BRCC3: variants seen among roughly 807,000 people sequenced by gnomAD.
The protein encoded by BRCC3 is BRCA1/BRCA2-containing complex subunit 3.
BRCC3 carries 15 observed loss-of-function variants against 28.0 expected under a neutral mutation model. The ratio of observed to expected loss-of-function variants is 0.54; its 90% confidence interval spans 0.36 to 0.82. BRCC3 has a LOEUF of 0.82. Ranked by LOEUF, BRCC3 falls within the 40% of genes least tolerant of loss-of-function variation. BRCC3 has a pLI of 0.01. For missense variants in BRCC3, 109 were observed against 225.9 expected (o/e 0.48, Z 3.32); for synonymous variants, 66 against 80.3 (o/e 0.82, Z 0.95).
intron 5 of BRCC3, among the ~76,000 whole-genome samples, chrX:155,088,086 G>A (rs2074146795): frequency 8.9e-6 from 1 of 112,003 alleles, no homozygotes; most frequent in Non-Finnish European, 1.9e-5. Context: ...TGTTCTTTTA[G>A]CAATATTTTC....
chrX:155,120,408 G>A (rs1311120455), intron 10 of BRCC3, among the ~76,000 whole-genome samples: 1 of 111,964 alleles, frequency 8.9e-6, no homozygotes, highest in African/African-American at 3.2e-5. Flanking sequence ...TGGTACAATG[G>A]CAAGGAATAT....
In BRCC3 at chrX:155,106,449, C is replaced by T. The variant is rs782649004; in HGVS notation, c.549-9608C>T. On this transcript the variant is annotated intron_variant, in intron 7 of 10. Transcript: ENST00000330045. ...AAATACTTTTACTTATTTCCCAATT[C>T]CTAAACCTCTAATTGATTCCTTAAA... is the stretch of plus-strand genomic sequence containing the variant. Among the ~76,000 whole-genome samples, 3 of 111,981 alleles carry T rather than the reference C, an allele frequency of 2.7e-5. No individual in the cohort carries two copies. In the Admixed American group the frequency reaches 2.8e-4, roughly 11 times the overall value.
chrX:155,101,555 T>C (rs1438729122), intron 7 of BRCC3, among the ~76,000 whole-genome samples: 1 of 112,433 alleles, frequency 8.9e-6, no homozygotes, highest in Non-Finnish European at 1.9e-5. Flanking sequence ...TGTTCATTTA[T>C]TTATTTATAT....
chrX:155,120,726 T>C (rs2074384007), intron 10 of BRCC3, among the ~76,000 whole-genome samples: 1 of 111,568 alleles, frequency 9.0e-6, no homozygotes, highest in Admixed American at 9.5e-5. Context: ...ACATGAGTTC[T>C]AGCATATTTG....
chrX:155,108,087 C>T (rs1372704831), intron 7 of BRCC3, among the ~76,000 whole-genome samples: 1 of 111,893 alleles, frequency 8.9e-6, no homozygotes, highest in Non-Finnish European at 1.9e-5. Context: ...ACCAGCCCTC[C>T]AGAAGCCTCC....
At chrX:155,100,577 T>A (rs1177866260) in intron 7 of BRCC3, among the ~76,000 whole-genome samples, 1 of 112,504 alleles carries the variant, frequency 8.9e-6, no homozygotes, top group East Asian at 2.8e-4. Flanking sequence ...AGATGTAGAT[T>A]ATGCACTTTT....
intron 8 of BRCC3, 126 bp downstream of exon 8, chrX:155,116,314 C>A: frequency 1.7e-6 from 1 of 576,793 alleles, no homozygotes; most frequent in Non-Finnish European, 2.6e-6. Context: ...GGGAAGCTTT[C>A]TAGCAGTCTC....
chrX:155,102,965 T>C (rs1209862163), intron 7 of BRCC3, among the ~76,000 whole-genome samples: 1 of 111,218 alleles, frequency 9.0e-6, no homozygotes, highest in Admixed American at 9.6e-5. Flanking sequence ...GTGTGTGTTG[T>C]CATAATCAGA....
chrX:155,105,284 A>T (rs2074273088), intron 7 of BRCC3, among the ~76,000 whole-genome samples: 1 of 111,308 alleles, frequency 9.0e-6, no homozygotes, highest in South Asian at 3.8e-4. Context: ...GGAGTTCGAG[A>T]ACAGCCTGCC....
chrX:155,074,780 T>C (rs1175750360), intron 3 of BRCC3, among the ~76,000 whole-genome samples: 1 of 112,362 alleles, frequency 8.9e-6, no homozygotes, highest in Non-Finnish European at 1.9e-5. Context: ...TGTTGCATAG[T>C]GTATTTTTTA....
In BRCC3 at chrX:155,089,243, A is replaced by T. The variant is rs1387040828; in HGVS notation, c.404-20A>T. On this transcript the variant is annotated intron_variant, in intron 5 of 10. Coordinates refer to ENST00000330045, the MANE Select transcript of BRCC3 (RefSeq NM_001018055.3). ...CACAGCTTATTGACAGAAGATTTTT[A>T]AATTTTCATTTATTTTCAGATGTTC... 1 of 1,118,938 alleles carries T rather than the reference A, an allele frequency of 8.9e-7. No individual in the cohort carries two copies. Among genetic ancestry groups the T allele is most frequent in the Non-Finnish European group, 1.2e-6 (1 of 828,939 alleles). 92.2% of individuals were successfully genotyped at this position (1,118,938 alleles called of 1,213,427 possible).
chrX:155,090,565 G>C (rs2074167412), intron 6 of BRCC3, among the ~76,000 whole-genome samples: 2 of 111,949 alleles, frequency 1.8e-5, no homozygotes, highest in Admixed American at 1.9e-4. Flanking sequence ...CCTGGTTCTT[G>C]TGTTTGTTAA....
intron 5 of BRCC3, among the ~76,000 whole-genome samples, chrX:155,084,370 GT>G (rs782783415): frequency 2.8e-5 from 3 of 106,992 alleles, no homozygotes; most frequent in Middle Eastern, 4.4e-3. Flanking sequence ...TGTTTAAAAA[GT>G]TTTTTTTTTG....
Position 155,122,559 on chromosome X carries a change from A to G in BRCC3, c.*1355A>G, listed in dbSNP as rs1666091945. The G allele has an allele frequency of 8.9e-6, 1 of 112,086 alleles. No homozygotes were observed. Among genetic ancestry groups the G allele is most frequent in the Non-Finnish European group, 1.9e-5 (1 of 53,208 alleles). 9.2% of individuals were successfully genotyped at this position (112,086 alleles called of 1,213,427 possible). A position where few individuals can be genotyped will look rare whatever the true frequency, so the allele number is the denominator to read the frequency against. ...ATATTGTACTTGTACTCAAATATTC[A>G]TAGGAGCTTTATTTGTAATAGCCCC... On this transcript the variant is annotated 3_prime_UTR_variant, in exon 11 of 11. Coordinates refer to ENST00000330045, the MANE Select transcript of BRCC3 (RefSeq NM_001018055.3).
intron 3 of BRCC3, 115 bp downstream of exon 3, chrX:155,073,546 T>G: frequency 1.2e-6 from 1 of 863,171 alleles, no homozygotes; most frequent in Non-Finnish European, 1.6e-6. Context: ...TTCTTTCTAG[T>G]AAAATCAGAT....
chrX:155,108,169 C>T (rs1477301430), intron 7 of BRCC3, among the ~76,000 whole-genome samples: 4 of 111,848 alleles, frequency 3.6e-5, no homozygotes, highest in African/African-American at 1.3e-4. Flanking sequence ...TCTCTAACAA[C>T]ACAGATTAAT....
chrX:155,073,506 A>G, intron 3 of BRCC3, 75 bp downstream of exon 3: 3 of 1,069,384 alleles, frequency 2.8e-6, no homozygotes, highest in Middle Eastern at 3.2e-4. Context: ...GATCTCAGCC[A>G]GAGTATGCGG....
chrX:155,115,665 T>A (rs1412579935), intron 7 of BRCC3, among the ~76,000 whole-genome samples: 2 of 111,346 alleles, frequency 1.8e-5, no homozygotes, highest in Non-Finnish European at 3.8e-5. Context: ...CATTGAAGAG[T>A]CTGTAGTTCC....
chrX:155,116,424 T>C lies in BRCC3; in HGVS notation c.680+236T>C, dbSNP rs189433720. On this transcript the variant is annotated intron_variant, in intron 8 of 10. Coordinates refer to ENST00000330045, the MANE Select transcript of BRCC3 (RefSeq NM_001018055.3). The stretch of plus-strand genomic sequence containing the variant: ...AGGGCAAGGATGCTTTCTTTTTTGG[T>C]TGAGAAAAGAGGATAATCCACAACA... 2.9e-4 allele frequency among the ~76,000 whole-genome samples: 32 copies of C among 112,000 alleles called. No individual in the cohort carries two copies. The East Asian group carries it at 8.4e-3, about 29-fold the overall frequency.
Sources: gnomAD v4.1 joint callset for allele counts (sites outside exome capture counted in the v4.1 genomes callset) on GRCh38, gnomAD v4.1.1 for gene constraint, MANE v1.5 for transcripts, NCBI Gene and HGNC (gene_info 2026-07-23, HGNC 2026-07-21) for gene names.